The following PDE3A variants were observed in gnomAD, a reference collection of about 807,000 sequenced individuals.
The protein encoded by PDE3A is phosphodiesterase 3A.
PDE3A carries 43 observed loss-of-function variants against 98.3 expected under a neutral mutation model. That is an observed-to-expected ratio of 0.44 (90% CI 0.34 to 0.56). The LOEUF is 0.56. Ranked by LOEUF, PDE3A falls within the 20% of genes least tolerant of loss-of-function variation. The pLI, the probability that PDE3A is intolerant of heterozygous loss-of-function variation, is 0.01. For missense variants in PDE3A, 1,427 were observed against 1,440.7 expected (o/e 0.99, Z 0.15); for synonymous variants, 663 against 567.9 (o/e 1.17, Z -2.38).
intron 1 of PDE3A, among the ~76,000 whole-genome samples, chr12:20,427,535 C>T (rs907941050): frequency 5.9e-5 from 9 of 152,070 alleles, no homozygotes. Flanking sequence ...TTAAATTCAT[C>T]TTGTCAAAAT....
Position 20,369,819 on chromosome 12 carries a change from G to A in PDE3A, c.535G>A (p.Gly179Ser). ...GGEALVQIGL[G>S]VGEDHLLSLP... Reference sequence around the variant, plus strand: ...GGAAGCGCTCGTCCAGATTGGGCTGGGCGTCGGGGAGGATCACTTACTCTC... The same window carrying A: ...GGAAGCGCTCGTCCAGATTGGGCTGAGCGTCGGGGAGGATCACTTACTCTC... The change falls in exon 1 of 16, where the codon GGC (glycine) becomes AGC (serine). Residue 179 changes from glycine to serine, a missense_variant. Physicochemically the swap from Gly to Ser is moderately conservative, Grantham distance 56. This residue lies in a region of PDE3A where 1,012 missense variants were observed against 886.5 expected (regional missense o/e 1.14). Transcript: ENST00000359062. The A allele has an allele frequency of 6.2e-7, 1 of 1,612,040 alleles. No individual in the cohort carries two copies. Among genetic ancestry groups the A allele is most frequent in the Non-Finnish European group, 8.5e-7 (1 of 1,179,524 alleles).
intron 1 of PDE3A, among the ~76,000 whole-genome samples, chr12:20,505,468 T>A (rs1321052029): frequency 3.4e-5 from 5 of 145,744 alleles, no homozygotes; most frequent in Non-Finnish European, 6.1e-5. Flanking sequence ...TGGTACATTT[T>A]TAGGTCCTCT....
chr12:20,502,540 T>A (rs138224650), intron 1 of PDE3A, among the ~76,000 whole-genome samples: 3 of 152,194 alleles, frequency 2.0e-5, no homozygotes, highest in Admixed American at 2.0e-4. Context: ...CTTACTAGAG[T>A]GTGATCAGGT....
intron 15 of PDE3A, among the ~76,000 whole-genome samples, chr12:20,665,942 T>C (rs1945296694): frequency 6.6e-6 from 1 of 150,576 alleles, no homozygotes; most frequent in African/African-American, 2.4e-5. Context: ...ATCTGTCACC[T>C]CGAGTATTTG....
chr12:20,427,428 T>C (rs1261919317), intron 1 of PDE3A, among the ~76,000 whole-genome samples: 1 of 152,216 alleles, frequency 6.6e-6, no homozygotes, highest in African/African-American at 2.4e-5. Context: ...AAACTGACTT[T>C]ACGTTTTACA....
At position 20,650,483 on chromosome 12, in the gene PDE3A, T is replaced by C. The variant is rs373977290; in HGVS notation, c.2808T>C (p.Asn936=). Residue 936 remains asparagine (N), a synonymous_variant, in exon 14 of 16, where the codon AAT becomes AAC. Coordinates refer to ENST00000359062, the MANE Select transcript of PDE3A (RefSeq NM_000921.5). ...DDVGIDWTNE[N]DRLLVCQMCI... is the part of the protein sequence containing the mutation. ...TTGGAATAGATTGGACCAATGAAAATGATCGTCTACTGGTTTGTCAAATGT... is the reference window on the plus strand; with the variant it reads ...TTGGAATAGATTGGACCAATGAAAACGATCGTCTACTGGTTTGTCAAATGT... The C allele has an allele frequency of 3.7e-6, 6 of 1,610,636 alleles. No individual in the cohort carries two copies. In the South Asian group the frequency reaches 4.4e-5, roughly 12 times the overall value.
intron 1 of PDE3A, among the ~76,000 whole-genome samples, chr12:20,380,836 T>C (rs1378599373): frequency 6.6e-6 from 1 of 151,926 alleles, no homozygotes; most frequent in African/African-American, 2.4e-5. Context: ...ACATTCACTA[T>C]AAATTAAATT....
chr12:20,644,647 A>T (rs1272842074), intron 10 of PDE3A, among the ~76,000 whole-genome samples: 1 of 152,122 alleles, frequency 6.6e-6, no homozygotes, highest in Non-Finnish European at 1.5e-5. Context: ...ATTATTTGTA[A>T]ATGTAATGGG....
intron 2 of PDE3A, among the ~76,000 whole-genome samples, chr12:20,558,813 G>T (rs1429194342): frequency 6.6e-6 from 1 of 151,772 alleles, no homozygotes; most frequent in Non-Finnish European, 1.5e-5. Flanking sequence ...GCTTTTCAAG[G>T]GGAACTTCAG....
At chr12:20,383,069 T>A (rs1287044142) in intron 1 of PDE3A, among the ~76,000 whole-genome samples, 1 of 151,932 alleles carries the variant, frequency 6.6e-6, no homozygotes, top group Non-Finnish European at 1.5e-5. Context: ...GGACTTCAGA[T>A]GCTTCGGGTG....
chr12:20,639,954 C>T lies in PDE3A; in HGVS notation c.2248C>T (p.Pro750Ser), dbSNP rs1392498237. The part of the protein sequence containing the change: ...HALEIGYRDI[P>S]YHNRIHATDV... ...TTTGGAGATTGGATATAGGGATATT[C>T]CTTGTAAGTATATGTGATTTGTGAA... is the stretch of plus-strand genomic sequence containing the variant. Residue 750 changes from proline to serine, a missense_variant, in exon 10 of 16, where the codon CCT becomes TCT. Pro to Ser is a moderately conservative substitution (Grantham distance 74). Around this residue, in one of 3 missense-constraint regions of PDE3A, gnomAD observed 273 missense variants for 420.3 expected, o/e 0.65. Coordinates refer to ENST00000359062, the MANE Select transcript of PDE3A (RefSeq NM_000921.5). The T allele has an allele frequency of 1.6e-6, 2 of 1,235,160 alleles. No individual in the cohort carries two copies. Among genetic ancestry groups the T allele is most frequent in the Non-Finnish European group, 2.4e-6 (2 of 836,926 alleles). 76.5% of individuals were successfully genotyped at this position (1,235,160 alleles called of 1,614,324 possible).
rs150008041 is a variant in PDE3A, at chr12:20,658,241, A to G, written c.3184+4036A>G. Among the ~76,000 whole-genome samples, 62 of 152,346 alleles carry G rather than the reference A, an allele frequency of 4.1e-4. No individual in the cohort carries two copies. The Middle Eastern group carries it at 0.01, about 25-fold the overall frequency. ...AGGAGGCTTTCAAATGGAAGAATTG[A>G]TATAAGGGGTCTTGGCCTGTGCCCC... On this transcript the variant is annotated intron_variant, in intron 15 of 15. Transcript: ENST00000359062.
At position 20,637,223 on chromosome 12, in the gene PDE3A, C is replaced by T. The variant is rs373818809; in HGVS notation, c.2125C>T (p.Arg709Cys). 179 of 1,605,740 alleles carry T rather than the reference C, an allele frequency of 1.1e-4. No individual in the cohort carries two copies. The highest frequency in any genetic ancestry group is 3.9e-5 in the Non-Finnish European group (46 of 1,174,622). The change falls in exon 9 of 16, where the codon CGT (arginine) becomes TGT (cysteine). Residue 709 changes from arginine (R) to cysteine (C), a missense_variant. Transcript: ENST00000359062. ...GGAAAATATAGGAAGAAAATGTGGC[C>T]GTATTCTTAGTCAGGTAAGAAATGC... ...LVENIGRKCG[R>C]ILSQVSYRLF...
chr12:20,519,995 T>C lies in PDE3A; in HGVS notation c.961-36665T>C, dbSNP rs1034521043. ...TCATTTCAATGATGATGCAGCTGAT[T>C]CGGATTTAAAGAAGTTTGCCTAAGG... On this transcript the variant is annotated intron_variant, in intron 1 of 15. Transcript: ENST00000359062. Among the ~76,000 whole-genome samples, 3 of 152,154 alleles carry C rather than the reference T, an allele frequency of 2.0e-5. No homozygotes were observed. The East Asian group carries it at 5.8e-4, about 29-fold the overall frequency.
intron 1 of PDE3A, among the ~76,000 whole-genome samples, chr12:20,531,754 C>A (rs906544527): frequency 6.6e-6 from 1 of 152,090 alleles, no homozygotes; most frequent in African/African-American, 2.4e-5. Context: ...AGACATTGCG[C>A]TATTATTAAA....
intron 1 of PDE3A, among the ~76,000 whole-genome samples, chr12:20,540,865 A>C (rs1227985332): frequency 6.6e-6 from 1 of 151,944 alleles, no homozygotes; most frequent in Non-Finnish European, 1.5e-5. Context: ...CAATGGTGAA[A>C]CATGTTTTAC....
chr12:20,668,531 G>T (rs1592166601), intron 15 of PDE3A, among the ~76,000 whole-genome samples: 1 of 152,194 alleles, frequency 6.6e-6, no homozygotes, highest in South Asian at 2.1e-4. Flanking sequence ...CCTCAAGTGG[G>T]TCCCTGACCC....
chr12:20,432,857 A>G (rs1944720082), intron 1 of PDE3A, among the ~76,000 whole-genome samples: 1 of 152,110 alleles, frequency 6.6e-6, no homozygotes, highest in African/African-American at 2.4e-5. Context: ...TGTATCTTTC[A>G]GTATGCTTTT....
intron 13 of PDE3A, among the ~76,000 whole-genome samples, chr12:20,649,977 T>C (rs1030924873): frequency 9.9e-5 from 15 of 151,874 alleles, no homozygotes; most frequent in Non-Finnish European, 1.9e-4. Context: ...TAAAAAAGCA[T>C]TTGTTGCTAA....
Sources: gnomAD v4.1 joint callset for allele counts (sites outside exome capture counted in the v4.1 genomes callset) on GRCh38, gnomAD v4.1.1 for gene constraint, gnomAD v4.1.1 regional missense constraint, MANE v1.5 for transcripts, NCBI Gene and HGNC (gene_info 2026-07-23, HGNC 2026-07-21) for gene names.